The following XK variants were observed in gnomAD, a reference collection of about 807,000 sequenced individuals.
The protein encoded by XK is endoplasmic reticulum membrane adapter protein XK.
In XK, 2 loss-of-function variants were observed where a neutral mutation model predicts 14.0. That is an observed-to-expected ratio of 0.14 (90% CI 0.06 to 0.45). XK has a LOEUF of 0.45. Among genes scored for constraint, XK ranks in the 20% least tolerant of loss-of-function variants. XK has a pLI of 0.98. For missense variants in XK, 235 were observed against 341.5 expected, an observed-to-expected ratio of 0.69 and a Z score of 2.46; for synonymous variants, 149 against 147.5, an observed-to-expected ratio of 1.01 and a Z score of -0.08.
intron 2 of XK, among the ~76,000 whole-genome samples, chrX:37,720,191 C>T (rs782360623): frequency 1.1e-4 from 12 of 110,989 alleles, no homozygotes; most frequent in Non-Finnish European, 2.1e-4. Context: ...TCTTAGTACT[C>T]ATTTTCATTT....
rs782445710 is a variant in XK, at chrX:37,724,759, G to A, written c.509-2877G>A. Among the ~76,000 whole-genome samples the A allele has an allele frequency of 2.7e-5, 3 of 110,720 alleles. No individual in the cohort carries two copies. In the Admixed American group the frequency reaches 2.9e-4, roughly 11 times the overall value. On this transcript the variant is annotated intron_variant, in intron 2 of 2. Transcript: ENST00000378616. ...TTTGCAAAAGACTTATCTGATAAAG[G>A]GCTTTTATGCAAAATGTACAAAGAA...
At chrX:37,715,803 T>TA (rs1927755284) in intron 2 of XK, among the ~76,000 whole-genome samples, 2 of 111,797 alleles carry the variant, frequency 1.8e-5, no homozygotes, top group African/African-American at 6.5e-5. Flanking sequence ...TGTATGCTTA[T>TA]TATAAGATTA....
At chrX:37,711,604 G>A (rs782652416) in intron 2 of XK, among the ~76,000 whole-genome samples, 12 of 112,120 alleles carry the variant, frequency 1.1e-4, no homozygotes, top group Admixed American at 1.9e-4. Context: ...TAAAAATGTA[G>A]TCTTGATTAG....
At position 37,694,486 on chromosome X, in the gene XK, C is replaced by T. The variant is rs782498825; in HGVS notation, c.446C>T (p.Ala149Val). The change falls in exon 2 of 3, where the codon GCC becomes GTC. Residue 149 changes from alanine (A) to valine (V), a missense_variant. Transcript: ENST00000378616. ...ASVIQAFLGS[A>V]PQLTLQLYIS... Reference sequence around the variant, plus strand: ...GTGATCCAGGCTTTCTTGGGCTCAGCCCCCCAGCTGACCCTACAGCTGTAC... The same window carrying T: ...GTGATCCAGGCTTTCTTGGGCTCAGTCCCCCAGCTGACCCTACAGCTGTAC... 4 of 1,189,066 alleles carry T rather than the reference C, an allele frequency of 3.4e-6. No homozygotes were observed. Among genetic ancestry groups the T allele is most frequent in the East Asian group, 3.0e-5 (1 of 32,901 alleles).
At chrX:37,710,893 C>T (rs782615900) in intron 2 of XK, among the ~76,000 whole-genome samples, 14 of 111,526 alleles carry the variant, frequency 1.3e-4, no homozygotes, top group Middle Eastern at 9.3e-3. Context: ...GTGGAAATGC[C>T]GGTGCACAGG....
intron 2 of XK, among the ~76,000 whole-genome samples, chrX:37,705,952 A>G (rs1311376931): frequency 1.9e-5 from 2 of 105,356 alleles, no homozygotes; most frequent in Admixed American, 2.1e-4. Context: ...GATCTAACTT[A>G]TGTTGCCCAG....
intron 2 of XK, among the ~76,000 whole-genome samples, chrX:37,706,946 G>T: frequency 9.1e-6 from 1 of 109,999 alleles, no homozygotes; most frequent in Admixed American, 9.7e-5. Flanking sequence ...GCACAGGGTT[G>T]GGGGTAAGGT....
chrX:37,695,364 T>A (rs782737583), intron 2 of XK, among the ~76,000 whole-genome samples: 1 of 111,140 alleles, frequency 9.0e-6, no homozygotes, highest in East Asian at 2.8e-4. Context: ...GGTATATCAG[T>A]TTATAAGTCA....
intron 2 of XK, among the ~76,000 whole-genome samples, chrX:37,704,868 C>G (rs1927482319): frequency 8.9e-6 from 1 of 111,775 alleles, no homozygotes; most frequent in Non-Finnish European, 1.9e-5. Flanking sequence ...ATGATAGACA[C>G]TTAAAGTGCC....
intron 2 of XK, among the ~76,000 whole-genome samples, chrX:37,717,810 C>CT (rs782286018): frequency 8.9e-6 from 1 of 111,732 alleles, no homozygotes; most frequent in South Asian, 3.7e-4. Context: ...GTCAGTAAGA[C>CT]TTTAAGAATT....
At chrX:37,726,045 G>A (rs1556449931) in intron 2 of XK, among the ~76,000 whole-genome samples, 2 of 111,372 alleles carry the variant, frequency 1.8e-5, no homozygotes, top group African/African-American at 6.5e-5. Flanking sequence ...TTATACATTT[G>A]TCCAATGTGT....
At chrX:37,693,116 A>G (rs1211120176) in intron 1 of XK, among the ~76,000 whole-genome samples, 1 of 112,043 alleles carries the variant, frequency 8.9e-6, no homozygotes, top group Non-Finnish European at 1.9e-5. Flanking sequence ...TTATTATTTC[A>G]AATTATAAAT....
intron 2 of XK, among the ~76,000 whole-genome samples, chrX:37,695,956 A>G (rs782260596): frequency 1.1e-4 from 12 of 112,562 alleles, no homozygotes; most frequent in South Asian, 7.3e-4. Flanking sequence ...GCATGCCACT[A>G]TACTCTTTTT....
chrX:37,717,933 G>A (rs1168401529), intron 2 of XK, among the ~76,000 whole-genome samples: 5 of 111,821 alleles, frequency 4.5e-5, no homozygotes, highest in Admixed American at 1.9e-4. Flanking sequence ...CATTTTGCCA[G>A]GGTAGGGAAA....
rs1928012824 is a variant in XK at position 37,728,023 on chromosome X, A to G, written c.896A>G (p.Gln299Arg). Reference protein sequence around the residue: ...GINMFCWSAVQLKIDSPDLIS... With the variant: ...GINMFCWSAVRLKIDSPDLIS... The stretch of plus-strand genomic sequence containing the variant: ...AACATGTTCTGCTGGTCTGCTGTAC[A>G]GCTGAAAATTGACAGCCCTGACCTC... The change falls in exon 3 of 3, where the codon CAG becomes CGG. Residue 299 changes from glutamine to arginine, a missense_variant. Coordinates refer to ENST00000378616, the MANE Select transcript of XK (RefSeq NM_021083.4). 8.3e-7 allele frequency: 1 copy of G among 1,209,543 alleles called. No homozygotes were observed. The highest frequency in any genetic ancestry group is 1.8e-5 in the African/African-American group (1 of 57,002).
In XK at chrX:37,712,338, T is replaced by C. The variant is rs182637616; in HGVS notation, c.509-15298T>C. On this transcript the variant is annotated intron_variant, in intron 2 of 2. Transcript: ENST00000378616. Reference sequence around the variant, plus strand: ...ACCAACTGTATTTTATGAACTAATCTAATGATAATAGCTTTAATTCATATA... The same window carrying C: ...ACCAACTGTATTTTATGAACTAATCCAATGATAATAGCTTTAATTCATATA... Among the ~76,000 whole-genome samples, 723 of 112,395 alleles carry C rather than the reference T, an allele frequency of 6.4e-3. 3 individuals carry two copies. The highest frequency in any genetic ancestry group is 9.7e-3 in the Non-Finnish European group (519 of 53,286).
chrX:37,691,278 T>A (rs782783265), intron 1 of XK, among the ~76,000 whole-genome samples: 16 of 112,668 alleles, frequency 1.4e-4, no homozygotes, highest in Non-Finnish European at 1.9e-4. Context: ...TAGCATATGC[T>A]GGTATTTAAT....
chrX:37,700,220 G>A (rs782017958), intron 2 of XK, among the ~76,000 whole-genome samples: 1 of 111,613 alleles, frequency 9.0e-6, no homozygotes, highest in Admixed American at 9.5e-5. Context: ...AACACATAGA[G>A]AGGGCCATGC....
chrX:37,705,701 G>A (rs1303143653), intron 2 of XK, among the ~76,000 whole-genome samples: 1 of 110,310 alleles, frequency 9.1e-6, no homozygotes, highest in Non-Finnish European at 1.9e-5. Context: ...ATTTAATCTA[G>A]GGAAGGCTGA....
Sources: allele counts gnomAD v4.1 joint callset (sites outside exome capture counted in the v4.1 genomes callset), GRCh38; gene constraint gnomAD v4.1.1; transcripts MANE v1.5; gene names NCBI Gene and HGNC (gene_info 2026-07-23, HGNC 2026-07-21).